The following DISP1 variants were observed in gnomAD, a reference collection of about 807,000 sequenced individuals.
DISP1 encodes protein dispatched homolog 1.
DISP1 carries 30 observed loss-of-function variants against 37.3 expected under a neutral mutation model. That is an observed-to-expected ratio of 0.80 (90% CI 0.60 to 1.09). The LOEUF is 1.09. Ranked by LOEUF, DISP1 falls within the 50% of genes least tolerant of loss-of-function variation. DISP1 has a pLI of 0.00. For missense variants in DISP1, 1,598 were observed against 1,879.5 expected (o/e 0.85, Z 2.77); for synonymous variants, 634 against 690.2 (o/e 0.92, Z 1.28).
At position 222,840,589 on chromosome 1, in the gene DISP1, T is replaced by A. The variant is rs1346969180; in HGVS notation, c.-159+25511T>A. ...TTTTTTTTTTTTTTCCCTGAGACAGTTTTGCTCTTGTTGCCTAGGCTGGAG... is the reference window on the plus strand; with the variant it reads ...TTTTTTTTTTTTTTCCCTGAGACAGATTTGCTCTTGTTGCCTAGGCTGGAG... On this transcript the variant is annotated intron_variant, in intron 1 of 8. Coordinates refer to ENST00000675850, the MANE Select transcript of DISP1 (RefSeq NM_001377229.1). Among the ~76,000 whole-genome samples the A allele has an allele frequency of 3.0e-4, 41 of 137,952 alleles. No individual in the cohort carries two copies. In the Admixed American group the frequency reaches 3.1e-3, roughly 10 times the overall value. The allele number at this position is 137,952 out of a possible 152,430, so 90.5% of individuals were successfully genotyped here.
chr1:222,950,651 G>A (rs549431064), intron 3 of DISP1, among the ~76,000 whole-genome samples: 7 of 152,058 alleles, frequency 4.6e-5, no homozygotes, highest in South Asian at 2.1e-4. Context: ...TTGTGGGAGC[G>A]GAGGGTCATT....
At position 223,002,379 on chromosome 1, in the gene DISP1, C is replaced by T. The variant is rs771398249; in HGVS notation, c.988-6C>T. Reference sequence around the variant, plus strand: ...GTAGTCCTTCTGCTTGTCTCTATCTCTGCAGATCAGATCTCATCCCCAGTT... The same window carrying T: ...GTAGTCCTTCTGCTTGTCTCTATCTTTGCAGATCAGATCTCATCCCCAGTT... On this transcript the variant is annotated splice_polypyrimidine_tract_variant and splice_region_variant and intron_variant, in intron 8 of 8. Transcript: ENST00000675850. 3.7e-5 allele frequency: 60 copies of T among 1,613,110 alleles called. 1 individual carries two copies. In the East Asian group the frequency reaches 1.3e-3, roughly 36 times the overall value.
intron 3 of DISP1, among the ~76,000 whole-genome samples, chr1:222,964,085 G>A (rs1320653713): frequency 6.6e-6 from 1 of 151,888 alleles, no homozygotes; most frequent in Non-Finnish European, 1.5e-5. Context: ...TGGATCACAA[G>A]GTCAGGAGTT....
intron 7 of DISP1, among the ~76,000 whole-genome samples, chr1:222,994,133 A>G (rs112847818): frequency 0.023 from 3,551 of 152,218 alleles, 138 homozygotes; most frequent in African/African-American, 0.081. Context: ...TTTAATTCTC[A>G]CAGCTATTTG....
chr1:222,887,755 C>T (rs1572430418), intron 1 of DISP1, among the ~76,000 whole-genome samples: 1 of 111,078 alleles, frequency 9.0e-6, no homozygotes, highest in Non-Finnish European at 2.1e-5. Context: ...GCCTCGGCCT[C>T]CCAAAGTGCT....
chr1:222,828,929 G>A (rs887265119), intron 1 of DISP1, among the ~76,000 whole-genome samples: 2 of 152,172 alleles, frequency 1.3e-5, no homozygotes, highest in African/African-American at 4.8e-5. Context: ...TTGTCATTGT[G>A]CTTCATGGGA....
chr1:222,815,341 C>T (rs1459122278), intron 1 of DISP1, among the ~76,000 whole-genome samples: 1 of 151,994 alleles, frequency 6.6e-6, no homozygotes, highest in Non-Finnish European at 1.5e-5. Flanking sequence ...GGCCCTGAGA[C>T]TGGAGGTTGC....
chr1:222,934,912 T>C (rs1673626073), intron 2 of DISP1, among the ~76,000 whole-genome samples: 1 of 152,176 alleles, frequency 6.6e-6, no homozygotes, highest in Non-Finnish European at 1.5e-5. Flanking sequence ...TTGTTAAATG[T>C]GTTACATTTC....
intron 1 of DISP1, among the ~76,000 whole-genome samples, chr1:222,818,320 C>T (rs1661755773): frequency 6.6e-6 from 1 of 152,172 alleles, no homozygotes; most frequent in Non-Finnish European, 1.5e-5. Context: ...GAATACCACA[C>T]AGATGATGCA....
At chr1:222,845,920 T>C (rs1433713503) in intron 1 of DISP1, among the ~76,000 whole-genome samples, 2 of 152,340 alleles carry the variant, frequency 1.3e-5, no homozygotes, top group East Asian at 3.9e-4. Context: ...ATGTCCTTGG[T>C]AGACATTTTT....
intron 4 of DISP1, among the ~76,000 whole-genome samples, chr1:222,983,406 C>A (rs944077142): frequency 6.6e-6 from 1 of 151,998 alleles, no homozygotes; most frequent in African/African-American, 2.4e-5. Context: ...CACCTGAGGT[C>A]GGGAGTTCGG....
At chr1:222,961,727 G>A (rs960173556) in intron 3 of DISP1, among the ~76,000 whole-genome samples, 4 of 152,068 alleles carry the variant, frequency 2.6e-5, no homozygotes, top group Non-Finnish European at 4.4e-5. Context: ...CCCCATCATC[G>A]CCAGGCACAG....
chr1:222,908,758 A>G (rs1362413393), intron 1 of DISP1, among the ~76,000 whole-genome samples: 1 of 152,152 alleles, frequency 6.6e-6, no homozygotes, highest in Non-Finnish European at 1.5e-5. Flanking sequence ...TCTTCATAAC[A>G]TAAATATTTC....
Position 223,004,166 on chromosome 1 carries a change from G to A in DISP1, c.2769G>A (p.Val923=). Residue 923 remains valine, a synonymous_variant, in exon 9 of 9, where the codon GTG becomes GTA. Coordinates refer to ENST00000675850, the MANE Select transcript of DISP1 (RefSeq NM_001377229.1). The surrounding 1 kb of genome is among the most constrained non-coding windows in gnomAD (Gnocchi z 4.9). ...ATATCAATGATACTATCAGGGCAGT[G>A]GTGTTAGAGTTCCAGAGTACCTACC... ...RFDINDTIRA[V]VLEFQSTYLF... 6.2e-7 allele frequency: 1 copy of A among 1,614,138 alleles called. No homozygotes were observed. Among genetic ancestry groups the A allele is most frequent in the Non-Finnish European group, 8.5e-7 (1 of 1,180,020 alleles).
At chr1:222,989,492 G>GA in intron 4 of DISP1, 1 of 985,414 alleles carries the variant, frequency 1.0e-6, no homozygotes, top group Non-Finnish European at 1.2e-6. Flanking sequence ...GGACCTCATG[G>GA]AAGGGATACA....
intron 1 of DISP1, among the ~76,000 whole-genome samples, chr1:222,900,145 C>A (rs1671500761): frequency 6.6e-6 from 1 of 152,106 alleles, no homozygotes; most frequent in African/African-American, 2.4e-5. Flanking sequence ...TAACATTAAT[C>A]AGTAGAATTG....
chr1:222,949,097 G>A (rs574504427), intron 3 of DISP1, among the ~76,000 whole-genome samples: 37 of 151,742 alleles, frequency 2.4e-4, no homozygotes, highest in East Asian at 3.9e-4. Context: ...TTAGTGTTCC[G>A]ATTAATAAAA....
intron 1 of DISP1, among the ~76,000 whole-genome samples, chr1:222,830,542 G>A (rs182975561): frequency 4.9e-4 from 75 of 152,022 alleles, no homozygotes; most frequent in Admixed American, 1.7e-3. Flanking sequence ...CACCATGCCC[G>A]GCTACTTTTT....
At chr1:222,970,626 G>A (rs1464773560) in intron 3 of DISP1, among the ~76,000 whole-genome samples, 1 of 152,118 alleles carries the variant, frequency 6.6e-6, no homozygotes, top group Non-Finnish European at 1.5e-5. Flanking sequence ...TTTCACAGCA[G>A]GAAAGGACCT....
Sources: allele counts gnomAD v4.1 joint callset (sites outside exome capture counted in the v4.1 genomes callset), GRCh38; gene constraint gnomAD v4.1.1; non-coding constraint Gnocchi (gnomAD v3.1); transcripts MANE v1.5; gene names NCBI Gene and HGNC (gene_info 2026-07-23, HGNC 2026-07-21).